LEMD2: variants seen among roughly 807,000 people sequenced by gnomAD.
LEMD2 encodes LEM domain nuclear envelope protein 2.
A neutral mutation model predicts 58.8 loss-of-function variants in LEMD2; 34 were observed. The observed-to-expected ratio is 0.58, with a 90% CI of 0.44 to 0.77. The LOEUF is 0.77. Among genes scored for constraint, LEMD2 ranks in the 30% least tolerant of loss-of-function variants. LEMD2 has a pLI of 0.00. For synonymous variants in LEMD2, 298 were observed against 308.9 expected (o/e 0.96, Z 0.37); for missense variants, 629 against 717.9 (o/e 0.88, Z 1.42).
intron 8 of LEMD2, among the ~76,000 whole-genome samples, chr6:33,775,416 C>G (rs764667793): frequency 3.9e-5 from 6 of 152,174 alleles, no homozygotes; most frequent in African/African-American, 1.2e-4. Context: ...CTCCTGGGCT[C>G]GAGTGATCCT....
Position 33,788,454 on chromosome 6 carries a change from TA to T in LEMD2, c.662del (p.Leu221HisfsTer11). On this transcript the variant is annotated frameshift_variant, in exon 1 of 9. Transcript: ENST00000293760. LOFTEE classifies it high-confidence loss of function. ...AAAGGATGCCCAGGAAGACGAGCAG[TA>T]GCCCTAGGCTGGCCCAGAGCAGAAG... ...SRLLLWASLG[L>X]LLVFLGILWV... 6.3e-7 allele frequency: 1 copy of T among 1,575,640 alleles called. No individual in the cohort carries two copies. The highest frequency in any genetic ancestry group is 8.6e-7 in the Non-Finnish European group (1 of 1,161,894).
In LEMD2 at chr6:33,788,541, A is replaced by T. The variant is rs1767740040; in HGVS notation, c.576T>A (p.Pro192=). 6.8e-7 allele frequency: 1 copy of T among 1,478,920 alleles called. No homozygotes were observed. Among genetic ancestry groups the T allele is most frequent in the Non-Finnish European group, 9.0e-7 (1 of 1,116,210 alleles). The allele number at this position is 1,478,920 out of a possible 1,614,324, so 91.6% of individuals were successfully genotyped here. A position where few individuals can be genotyped will look rare whatever the true frequency, so the allele number is the denominator to read the frequency against. Residue 192 remains proline (P), a synonymous_variant, in exon 1 of 9, where the codon CCT becomes CCA. Transcript: ENST00000293760. ...CAGGCCGGGCCCTCGCCGCGCCAGC[A>T]GGGCCCGCTCGAGTCGCCCGCAGGC... ...RPGLRATRAG[P]AGAARARPEV...
intron 2 of LEMD2, 50 bp from the exon 3 acceptor site, chr6:33,784,477 G>GGC: frequency 2.3e-6 from 1 of 430,810 alleles, no homozygotes; most frequent in South Asian, 1.7e-5. Context: ...GGTGGGAGGG[G>GGC]TCCGTCTGTC....
rs949471911 is a variant in LEMD2, at chr6:33,771,765, T to C, written c.*863A>G. The C allele has an allele frequency of 1.3e-5, 2 of 152,186 alleles. No homozygotes were observed. Among genetic ancestry groups the C allele is most frequent in the African/African-American group, 4.8e-5 (2 of 41,448 alleles). 9.4% of individuals were successfully genotyped at this position (152,186 alleles called of 1,614,324 possible). A position where few individuals can be genotyped will look rare whatever the true frequency, so the allele number is the denominator to read the frequency against. ...AACGCCGGCTGCGCTGAAGTTCTTG[T>C]TAAACAGCCCCGCGTCGGGGCTGTG... On this transcript the variant is annotated 3_prime_UTR_variant, in exon 9 of 9. Coordinates refer to ENST00000293760, the MANE Select transcript of LEMD2 (RefSeq NM_181336.4).
chr6:33,784,619 T>C, intron 2 of LEMD2, 192 bp from the exon 3 acceptor site: 1 of 541,470 alleles, frequency 1.8e-6, no homozygotes, highest in Non-Finnish European at 3.3e-6. Context: ...GTTAACTGCC[T>C]GAGAAAGACC....
At position 33,784,434 on chromosome 6, in the gene LEMD2, A is replaced by G; in HGVS notation, c.778-7T>C. 8.7e-7 allele frequency: 1 copy of G among 1,145,406 alleles called. No individual in the cohort carries two copies. Among genetic ancestry groups the G allele is most frequent in the Middle Eastern group, 2.9e-4 (1 of 3,482 alleles). The allele number at this position is 1,145,406 out of a possible 1,614,324, so 71.0% of individuals were successfully genotyped here. On this transcript the variant is annotated splice_polypyrimidine_tract_variant and splice_region_variant and intron_variant, in intron 2 of 8. Coordinates refer to ENST00000293760, the MANE Select transcript of LEMD2 (RefSeq NM_181336.4). ...TCTGCTTGGCCTGACAGAACTGGAA[A>G]GGCACGGGACAAGTGGTCAGCAAGG...
Position 33,788,540 on chromosome 6 carries a change from C to T in LEMD2, c.577G>A (p.Ala193Thr), listed in dbSNP as rs927744401. The part of the protein sequence containing the change: ...PGLRATRAGP[A>T]GAARARPEVG... ...TCAGGCCGGGCCCTCGCCGCGCCAG[C>T]AGGGCCCGCTCGAGTCGCCCGCAGG... Residue 193 changes from alanine to threonine, a missense_variant, in exon 1 of 9, where the codon GCT (alanine) becomes ACT (threonine). By Grantham distance (58) the Ala-to-Thr change is moderately conservative (BLOSUM62 0). Coordinates refer to ENST00000293760, the MANE Select transcript of LEMD2 (RefSeq NM_181336.4). 11 of 1,490,818 alleles carry T rather than the reference C, an allele frequency of 7.4e-6. No individual in the cohort carries two copies. Among genetic ancestry groups the T allele is most frequent in the African/African-American group, 5.9e-5 (4 of 68,356 alleles). 92.3% of individuals were successfully genotyped at this position (1,490,818 alleles called of 1,614,324 possible). A position where few individuals can be genotyped will look rare whatever the true frequency, so the allele number is the denominator to read the frequency against.
chr6:33,781,071 A>C lies in LEMD2; in HGVS notation c.930+6T>G. On this transcript the variant is annotated splice_donor_region_variant and intron_variant, in intron 4 of 8. Coordinates refer to ENST00000293760, the MANE Select transcript of LEMD2 (RefSeq NM_181336.4). Reference sequence around the variant, plus strand: ...CAGGAATGTATAAGCACTGAAGCCTACTTACGGCTATATATTCTTGGGCTT... The same window carrying C: ...CAGGAATGTATAAGCACTGAAGCCTCCTTACGGCTATATATTCTTGGGCTT... 6.3e-7 allele frequency: 1 copy of C among 1,599,548 alleles called. No homozygotes were observed. Among genetic ancestry groups the C allele is most frequent in the East Asian group, 2.2e-5 (1 of 44,820 alleles).
At position 33,772,632 on chromosome 6, in the gene LEMD2, C is replaced by T. The variant is rs747712369; in HGVS notation, c.1508G>A (p.Arg503Gln). ...GAACAAGTCCCCGCCCGGGGCTTATCGCTCTGAGTCAGAGAAGGAAGAGGG... is the reference window on the plus strand; with the variant it reads ...GAACAAGTCCCCGCCCGGGGCTTATTGCTCTGAGTCAGAGAAGGAAGAGGG... ...TKPSSFSDSER is the reference protein window; with the variant it reads ...TKPSSFSDSEQ The change falls in exon 9 of 9, where the codon CGA becomes CAA. Residue 503 changes from arginine (R) to glutamine (Q), a missense_variant. Arg to Gln is a conservative substitution (Grantham distance 43). Coordinates refer to ENST00000293760, the MANE Select transcript of LEMD2 (RefSeq NM_181336.4). 6 of 1,613,170 alleles carry T rather than the reference C, an allele frequency of 3.7e-6. No homozygotes were observed. Among genetic ancestry groups the T allele is most frequent in the African/African-American group, 1.3e-5 (1 of 74,926 alleles).
Position 33,788,396 on chromosome 6 carries a change from C to A in LEMD2, c.721G>T (p.Glu241Ter). 2 of 1,580,812 alleles carry A rather than the reference C, an allele frequency of 1.3e-6. No homozygotes were observed. Among genetic ancestry groups the A allele is most frequent in the Non-Finnish European group, 1.7e-6 (2 of 1,164,856 alleles). The change falls in exon 1 of 9, where the codon GAG becomes TAG. Residue 241 changes from glutamate (E) to a stop codon, truncating the protein, a stop_gained. Transcript: ENST00000293760. LOFTEE classifies it high-confidence loss of function. ...VKMGKPSAPQ[E>*]AEDNMKLLPV... Reference sequence around the variant, plus strand: ...CAGGACGTACTGTTGTCCTCCGCCTCCTGCGGCGCTGAGGGCTTGCCCATC... The same window carrying A: ...CAGGACGTACTGTTGTCCTCCGCCTACTGCGGCGCTGAGGGCTTGCCCATC...
chr6:33,771,620 A>T lies in LEMD2; in HGVS notation c.*1008T>A, dbSNP rs1385964463. Reference sequence around the variant, plus strand: ...AGCCTGCCTCCCAGGGAGCAGGCTGAGGAGCTGGCGGGAGGGCCGGTGGGC... The same window carrying T: ...AGCCTGCCTCCCAGGGAGCAGGCTGTGGAGCTGGCGGGAGGGCCGGTGGGC... On this transcript the variant is annotated 3_prime_UTR_variant, in exon 9 of 9. Transcript: ENST00000293760. The T allele has an allele frequency of 6.6e-6, 1 of 152,218 alleles. No homozygotes were observed. The highest frequency in any genetic ancestry group is 1.5e-5 in the Non-Finnish European group (1 of 68,040). The allele number at this position is 152,218 out of a possible 1,614,324, so 9.4% of individuals were successfully genotyped here. A position where few individuals can be genotyped will look rare whatever the true frequency, so the allele number is the denominator to read the frequency against.
Position 33,777,166 on chromosome 6 carries a change from G to A in LEMD2, c.1230C>T (p.Ala410=). The A allele has an allele frequency of 1.2e-6, 2 of 1,614,142 alleles. No homozygotes were observed. Among genetic ancestry groups the A allele is most frequent in the Non-Finnish European group, 1.7e-6 (2 of 1,179,990 alleles). ...TAATCTTCTTCACCATCTCATACATGGCTTGTTCCTCCTCTTCTAACTTTC... is the reference window on the plus strand; with the variant it reads ...TAATCTTCTTCACCATCTCATACATAGCTTGTTCCTCCTCTTCTAACTTTC... ...RWRKLEEEEQ[A]MYEMVKKIID... is the part of the protein sequence containing the mutation. The change falls in exon 7 of 9, where the codon GCC becomes GCT. Residue 410 remains alanine, a synonymous_variant. Transcript: ENST00000293760.
chr6:33,782,948 G>A (rs1767597738), intron 3 of LEMD2, among the ~76,000 whole-genome samples: 1 of 152,236 alleles, frequency 6.6e-6, no homozygotes, highest in Non-Finnish European at 1.5e-5. Flanking sequence ...GGCCCTTGAG[G>A]GCATAAGGCA....
Position 33,788,915 on chromosome 6 carries a change from A to G in LEMD2, c.202T>C (p.Leu68=), listed in dbSNP as rs1335000010. 6.8e-7 allele frequency: 1 copy of G among 1,463,116 alleles called. No homozygotes were observed. The highest frequency in any genetic ancestry group is 2.5e-5 in the Admixed American group (1 of 39,372). 90.6% of individuals were successfully genotyped at this position (1,463,116 alleles called of 1,614,324 possible). A position where few individuals can be genotyped will look rare whatever the true frequency, so the allele number is the denominator to read the frequency against. Residue 68 remains leucine, a synonymous_variant, in exon 1 of 9, where the codon TTA becomes CTA. Coordinates refer to ENST00000293760, the MANE Select transcript of LEMD2 (RefSeq NM_181336.4). ...GEERLREEAR[L]REDAPLRARP... ...GCGCGCAGCGGCGCATCCTCGCGTAACCGGGCCTCTTCCCGTAACCGCTCC... is the reference window on the plus strand; with the variant it reads ...GCGCGCAGCGGCGCATCCTCGCGTAGCCGGGCCTCTTCCCGTAACCGCTCC...
chr6:33,774,728 C>G (rs1031726549), intron 8 of LEMD2, among the ~76,000 whole-genome samples: 1 of 152,234 alleles, frequency 6.6e-6, no homozygotes, highest in African/African-American at 2.4e-5. Context: ...CCGTGCCTGG[C>G]TACTAGGCAG....
At position 33,778,489 on chromosome 6, in the gene LEMD2, A is replaced by C; in HGVS notation, c.1011-102T>G. 1.1e-6 allele frequency: 1 copy of C among 932,620 alleles called. No homozygotes were observed. Among genetic ancestry groups the C allele is most frequent in the Non-Finnish European group, 1.5e-6 (1 of 652,616 alleles). 57.8% of individuals were successfully genotyped at this position (932,620 alleles called of 1,614,324 possible). ...GGAAGCGAAGGAAAGTGGGGACGCA[A>C]GGCCTCTACTTGCTTATAGAATAGG... On this transcript the variant is annotated intron_variant, in intron 5 of 8. Coordinates refer to ENST00000293760, the MANE Select transcript of LEMD2 (RefSeq NM_181336.4). This position sits in a 1 kb window ranked among gnomAD's most constrained non-coding sequence, Gnocchi z 4.7.
intron 1 of LEMD2, 30 bp from the exon 2 acceptor site, chr6:33,786,804 A>G: frequency 6.2e-7 from 1 of 1,612,976 alleles, no homozygotes; most frequent in Non-Finnish European, 8.5e-7. Context: ...CACAGAGGAA[A>G]TTAAGTGTGG....
At chr6:33,785,859 A>T (rs1169762924) in intron 2 of LEMD2, among the ~76,000 whole-genome samples, 1 of 152,220 alleles carries the variant, frequency 6.6e-6, no homozygotes, top group Non-Finnish European at 1.5e-5. Flanking sequence ...AACACCCCCA[A>T]CTATGACACA....
intron 5 of LEMD2, chr6:33,779,603 T>C (rs1767518395): frequency 6.5e-6 from 1 of 153,090 alleles, no homozygotes; most frequent in African/African-American, 2.4e-5. Flanking sequence ...AAGGGTTTGC[T>C]ACCTTTTCTA....
Sources: allele counts gnomAD v4.1 joint callset (sites outside exome capture counted in the v4.1 genomes callset), GRCh38; gene constraint gnomAD v4.1.1; non-coding constraint Gnocchi (gnomAD v3.1); transcripts MANE v1.5; gene names NCBI Gene and HGNC (gene_info 2026-07-23, HGNC 2026-07-21).